PPARA: variants seen among roughly 807,000 people sequenced by gnomAD.
PPARA encodes peroxisome proliferator activated receptor alpha, also known as peroxisome proliferator-activated receptor alpha.
Under a neutral mutation model 42.2 loss-of-function variants are expected in PPARA, and 22 were observed. That is an observed-to-expected ratio of 0.52 (90% CI 0.37 to 0.74). The LOEUF (loss-of-function observed/expected upper bound fraction) is 0.74. PPARA is among the 30% of genes least tolerant of loss of function. The probability of loss-of-function intolerance (pLI) is 0.00; values close to 1 mark genes in which losing one functional copy is unlikely to be tolerated. For missense variants in PPARA, 465 were observed against 608.2 expected (o/e 0.76, Z 2.48); for synonymous variants, 242 against 239.3 (o/e 1.01, Z -0.10).
chr22:46,216,045 T>C lies in PPARA; in HGVS notation c.369+712T>C, dbSNP rs573736632. ...GAGAGTCTAGGACAAATGGTTCCTC[T>C]GTGCTTTGTAAATACTTAGAGAAGT... On this transcript the variant is annotated intron_variant, in intron 5 of 8. Coordinates refer to ENST00000407236, the MANE Select transcript of PPARA (RefSeq NM_005036.6). This position sits in a 1 kb window ranked among gnomAD's most constrained non-coding sequence, Gnocchi z 4.5. Among the ~76,000 whole-genome samples, 3 of 152,342 alleles carry C rather than the reference T, an allele frequency of 2.0e-5. No homozygotes were observed. The East Asian group carries it at 5.8e-4, about 29-fold the overall frequency.
In PPARA at chr22:46,239,909, G is replaced by T; in HGVS notation, c.*4529G>T. The T allele has an allele frequency of 2.9e-6, 1 of 350,332 alleles. No individual in the cohort carries two copies. Among genetic ancestry groups the T allele is most frequent in the Admixed American group, 4.7e-5 (1 of 21,136 alleles). 21.7% of individuals were successfully genotyped at this position (350,332 alleles called of 1,614,324 possible). On this transcript the variant is annotated 3_prime_UTR_variant, in exon 9 of 9. Coordinates refer to ENST00000407236, the MANE Select transcript of PPARA (RefSeq NM_005036.6). ...TGCGCACATCTGCTACTTACCAGCC[G>T]CATACATGATGGAGGGTTTTTTGGT...
rs751987092 is a variant in PPARA at position 46,174,195 on chromosome 22, A to AGG, written c.-126-2557_-126-2556insGG. 7.9e-3 allele frequency among the ~76,000 whole-genome samples: 926 copies of AGG among 116,588 alleles called. 6 individuals carry two copies. The highest frequency in any genetic ancestry group is 0.013 in the Non-Finnish European group (753 of 59,378). 76.5% of individuals were successfully genotyped at this position (116,588 alleles called of 152,430 possible). A position where few individuals can be genotyped will look rare whatever the true frequency, so the allele number is the denominator to read the frequency against. On this transcript the variant is annotated intron_variant, in intron 2 of 8. Transcript: ENST00000407236. ...CTGTCTTGAAAGAAGGAAGAAAGAG[A>AGG]GAGAGAGAGAGAGAGAGAGAGAGGG...
chr22:46,152,048 G>A (rs1271943502), intron 2 of PPARA, 78 bp downstream of exon 2: 1 of 152,012 alleles, frequency 6.6e-6, no homozygotes, highest in African/African-American at 2.4e-5. Flanking sequence ...TTGCACTACA[G>A]ACCAGCAATC....
chr22:46,159,383 C>T (rs180955724), intron 2 of PPARA, among the ~76,000 whole-genome samples: 1 of 152,192 alleles, frequency 6.6e-6, no homozygotes, highest in Non-Finnish European at 1.5e-5. Context: ...TGTGAAGCAG[C>T]GTATTTTGCT....
chr22:46,154,041 A>G (rs1311869296), intron 2 of PPARA, among the ~76,000 whole-genome samples: 5 of 152,202 alleles, frequency 3.3e-5, no homozygotes, highest in Admixed American at 6.5e-5. Flanking sequence ...GTTTAGATAC[A>G]ATAATATTTA....
In PPARA at chr22:46,235,347, G is replaced by C; in HGVS notation, c.1374G>C (p.Pro458=). Residue 458 remains proline, a synonymous_variant, in exon 9 of 9, where the codon CCG becomes CCC. Coordinates refer to ENST00000407236, the MANE Select transcript of PPARA (RefSeq NM_005036.6). This position sits in a 1 kb window ranked among gnomAD's most constrained non-coding sequence, Gnocchi z 7.0. ...KKTESDAALH[P]LLQEIYRDMY Reference sequence around the variant, plus strand: ...CGGAGTCGGATGCTGCGCTGCACCCGCTACTGCAGGAGATCTACAGGGACA... The same window carrying C: ...CGGAGTCGGATGCTGCGCTGCACCCCCTACTGCAGGAGATCTACAGGGACA... The C allele has an allele frequency of 6.2e-7, 1 of 1,613,928 alleles. No individual in the cohort carries two copies. The highest frequency in any genetic ancestry group is 8.5e-7 in the Non-Finnish European group (1 of 1,179,974).
In PPARA at chr22:46,198,562, G is replaced by A. The variant is rs1932606816; in HGVS notation, c.179G>A (p.Cys60Tyr). The A allele has an allele frequency of 6.2e-7, 1 of 1,613,748 alleles. No homozygotes were observed. The highest frequency in any genetic ancestry group is 8.5e-7 in the Non-Finnish European group (1 of 1,179,884). The part of the protein sequence containing the change: ...GFTEYQYLGS[C>Y]PGSDGSVITD... The stretch of plus-strand genomic sequence containing the variant: ...ACGGAATACCAGTATTTAGGAAGCT[G>A]TCCTGGCTCAGATGGCTCGGTCATC... Residue 60 changes from cysteine to tyrosine, a missense_variant, in exon 4 of 9, where the codon TGT becomes TAT. By Grantham distance (194) the Cys-to-Tyr change is radical (BLOSUM62 -2). This residue lies in a region of PPARA where 152 missense variants were observed against 139.1 expected (regional missense o/e 1.09). Coordinates refer to ENST00000407236, the MANE Select transcript of PPARA (RefSeq NM_005036.6).
At chr22:46,223,420 A>G (rs190757288) in intron 7 of PPARA, among the ~76,000 whole-genome samples, 219 of 152,164 alleles carry the variant, frequency 1.4e-3, no homozygotes, top group African/African-American at 5.2e-3. Context: ...AGGCAGGTGG[A>G]TCACCTGAGG....
rs958849155 is a variant in PPARA, at chr22:46,239,042, G to C, written c.*3662G>C. On this transcript the variant is annotated 3_prime_UTR_variant, in exon 9 of 9. Transcript: ENST00000407236. ...TGTTTGCTATACGAACATAATGGACGTGAAGTGGGGCAGAAACCCAGAACT... is the reference window on the plus strand; with the variant it reads ...TGTTTGCTATACGAACATAATGGACCTGAAGTGGGGCAGAAACCCAGAACT... 2 of 152,316 alleles carry C rather than the reference G, an allele frequency of 1.3e-5. No individual in the cohort carries two copies. The highest frequency in any genetic ancestry group is 2.4e-5 in the African/African-American group (1 of 41,550). The allele number at this position is 152,316 out of a possible 1,614,324, so 9.4% of individuals were successfully genotyped here. A position where few individuals can be genotyped will look rare whatever the true frequency, so the allele number is the denominator to read the frequency against.
chr22:46,151,354 G>C (rs1405049954), intron 1 of PPARA, among the ~76,000 whole-genome samples: 1 of 152,214 alleles, frequency 6.6e-6, no homozygotes, highest in Non-Finnish European at 1.5e-5. Context: ...CTCCCGGTCG[G>C]GGCCGCTGAG....
In PPARA at chr22:46,213,126, G is replaced by A. The variant is rs527870201; in HGVS notation, c.209-2047G>A. The stretch of plus-strand genomic sequence containing the variant: ...AAACTGCTTTGCTTTGTCAGAAACT[G>A]CCAGAATGTCCTCCAAGGGGGCTGT... On this transcript the variant is annotated intron_variant, in intron 4 of 8. Transcript: ENST00000407236. 3.9e-5 allele frequency among the ~76,000 whole-genome samples: 6 copies of A among 152,286 alleles called. No homozygotes were observed. In the South Asian group the frequency reaches 1.2e-3, roughly 32 times the overall value.
chr22:46,213,682 T>A (rs998823968), intron 4 of PPARA, among the ~76,000 whole-genome samples: 1 of 151,902 alleles, frequency 6.6e-6, no homozygotes, highest in South Asian at 2.1e-4. Context: ...CTCCGCCTCC[T>A]GGGTTCACGC....
chr22:46,234,210 C>T lies in PPARA; in HGVS notation c.1160-923C>T, dbSNP rs1455214539. On this transcript the variant is annotated intron_variant, in intron 8 of 8. Coordinates refer to ENST00000407236, the MANE Select transcript of PPARA (RefSeq NM_005036.6). This position sits in a 1 kb window ranked among gnomAD's most constrained non-coding sequence, Gnocchi z 5.8. Reference sequence around the variant, plus strand: ...GAGGATTGCTTGAGCCTAGGAGTTCCAGTCCAGCCTAAGCAACAGAGCAAG... The same window carrying T: ...GAGGATTGCTTGAGCCTAGGAGTTCTAGTCCAGCCTAAGCAACAGAGCAAG... Among the ~76,000 whole-genome samples, 1 of 152,086 alleles carries T rather than the reference C, an allele frequency of 6.6e-6. No individual in the cohort carries two copies. The highest frequency in any genetic ancestry group is 2.4e-5 in the African/African-American group (1 of 41,404).
At position 46,235,728 on chromosome 22, in the gene PPARA, C is replaced by T. The variant is rs1217310202; in HGVS notation, c.*348C>T. On this transcript the variant is annotated 3_prime_UTR_variant, in exon 9 of 9. Transcript: ENST00000407236. This position sits in a 1 kb window ranked among gnomAD's most constrained non-coding sequence, Gnocchi z 7.0. ...TTAATTAACTGGTAACCTCAAAATT[C>T]GTGGCCTGTCTTCCCATTCACCCCG... 1.5e-5 allele frequency: 5 copies of T among 335,158 alleles called. No homozygotes were observed. In the East Asian group the frequency reaches 2.2e-4, roughly 15 times the overall value. The allele number at this position is 335,158 out of a possible 1,614,324, so 20.8% of individuals were successfully genotyped here. A position where few individuals can be genotyped will look rare whatever the true frequency, so the allele number is the denominator to read the frequency against.
rs4253777 is a variant in PPARA at position 46,234,725 on chromosome 22, G to A, written c.1160-408G>A. Among the ~76,000 whole-genome samples, 14,611 of 152,196 alleles carry A rather than the reference G, an allele frequency of 0.096. 2,232 individuals are homozygous for A. The highest frequency in any genetic ancestry group is 0.32 in the African/African-American group (13,414 of 41,482). The stretch of plus-strand genomic sequence containing the variant: ...AAATATGGTGGAACACTTGAAGCTT[G>A]ATATCTAGTTTGGATTCAAAAGCTT... On this transcript the variant is annotated intron_variant, in intron 8 of 8. Transcript: ENST00000407236. This position sits in a 1 kb window ranked among gnomAD's most constrained non-coding sequence, Gnocchi z 5.8.
intron 7 of PPARA, chr22:46,220,703 G>C (rs1426764210): frequency 1.3e-5 from 2 of 152,168 alleles, no homozygotes; most frequent in Non-Finnish European, 2.9e-5. Context: ...GCACTCTGGG[G>C]AGGCCAAGGT....
chr22:46,202,857 T>C (rs1045015548), intron 4 of PPARA, among the ~76,000 whole-genome samples: 3 of 150,676 alleles, frequency 2.0e-5, no homozygotes, highest in African/African-American at 2.5e-5. Context: ...AGTGAGACTC[T>C]GTCTTTAAAT....
chr22:46,185,820 A>G (rs4253697), intron 3 of PPARA, among the ~76,000 whole-genome samples: 2,415 of 142,796 alleles, frequency 0.017, 72 homozygotes, highest in African/African-American at 0.06. Context: ...ACTTGAACCC[A>G]GGAGGCAGAG....
chr22:46,196,919 C>T lies in PPARA; in HGVS notation c.-42-1423C>T, dbSNP rs746064608. Among the ~76,000 whole-genome samples, 8 of 150,658 alleles carry T rather than the reference C, an allele frequency of 5.3e-5. No homozygotes were observed. Among genetic ancestry groups the T allele is most frequent in the Non-Finnish European group, 1.2e-4 (8 of 67,714 alleles). On this transcript the variant is annotated intron_variant, in intron 3 of 8. Coordinates refer to ENST00000407236, the MANE Select transcript of PPARA (RefSeq NM_005036.6). The surrounding 1 kb of genome is among the most constrained non-coding windows in gnomAD (Gnocchi z 5.6). ...TGTATTTTTAGTAGAGACAGAGTTT[C>T]ATCATGTTGGTCAAGCTGCCCTCCA... is the stretch of plus-strand genomic sequence containing the variant.
Sources: allele counts gnomAD v4.1 joint callset (sites outside exome capture counted in the v4.1 genomes callset), GRCh38; gene constraint gnomAD v4.1.1; regional missense constraint gnomAD v4.1.1; non-coding constraint Gnocchi (gnomAD v3.1); transcripts MANE v1.5; gene names NCBI Gene and HGNC (gene_info 2026-07-23, HGNC 2026-07-21).